TMEM120B: variants seen among roughly 807,000 people sequenced by gnomAD.
TMEM120B encodes the protein transmembrane protein 120B.
In TMEM120B, 31 loss-of-function variants were observed where a neutral mutation model predicts 55.5. The ratio of observed to expected loss-of-function variants is 0.56; its 90% CI spans 0.42 to 0.75. TMEM120B has a LOEUF of 0.75. TMEM120B is among the 30% of genes least tolerant of loss of function. The pLI is 0.00. For synonymous variants in TMEM120B, 203 were observed against 176.3 expected (o/e 1.15, Z -1.20); for missense variants, 399 against 425.5 (o/e 0.94, Z 0.55).
intron 1 of TMEM120B, among the ~76,000 whole-genome samples, chr12:121,715,943 CTG>C (rs925900458): frequency 2.6e-5 from 4 of 150,952 alleles, no homozygotes; most frequent in Middle Eastern, 3.4e-3. Flanking sequence ...CTCTGGGACT[CTG>C]TATATGGTAA....
rs993340509 is a variant in TMEM120B at position 121,776,839 on chromosome 12, G to A, written c.*1117G>A. The A allele has an allele frequency of 6.6e-6, 1 of 152,002 alleles. No homozygotes were observed. The highest frequency in any genetic ancestry group is 1.5e-5 in the Non-Finnish European group (1 of 68,028). The allele number at this position is 152,002 out of a possible 1,614,324, so 9.4% of individuals were successfully genotyped here. Reference sequence around the variant, plus strand: ...TGAGACAGGGTCTGTTGCCTAGGCGGGAGTGCAGTGGCATCATAGGTCACT... The same window carrying A: ...TGAGACAGGGTCTGTTGCCTAGGCGAGAGTGCAGTGGCATCATAGGTCACT... On this transcript the variant is annotated 3_prime_UTR_variant, in exon 12 of 12. Coordinates refer to ENST00000449592, the MANE Select transcript of TMEM120B (RefSeq NM_001080825.2).
chr12:121,734,864 G>T (rs1304774716), intron 1 of TMEM120B, among the ~76,000 whole-genome samples: 3 of 151,632 alleles, frequency 2.0e-5, no homozygotes, highest in African/African-American at 7.3e-5. Context: ...AGCGAGCTGA[G>T]ATAGTGCCAT....
intron 3 of TMEM120B, among the ~76,000 whole-genome samples, chr12:121,749,195 G>A (rs780756450): frequency 7.2e-5 from 11 of 152,122 alleles, no homozygotes; most frequent in East Asian, 1.9e-4. Context: ...CCATTCCTCC[G>A]AGCTTCTCCT....
In TMEM120B at chr12:121,779,113, G is replaced by A; in HGVS notation, c.*3391G>A. Reference sequence around the variant, plus strand: ...CCAGGGAGGCAGGGACACAGGAGTGGCAGGCTTGGGGCGCCCGCGTGGAAC... The same window carrying A: ...CCAGGGAGGCAGGGACACAGGAGTGACAGGCTTGGGGCGCCCGCGTGGAAC... On this transcript the variant is annotated 3_prime_UTR_variant, in exon 12 of 12. Coordinates refer to ENST00000449592, the MANE Select transcript of TMEM120B (RefSeq NM_001080825.2). The A allele has an allele frequency of 5.1e-6, 1 of 197,478 alleles. No individual in the cohort carries two copies. Among genetic ancestry groups the A allele is most frequent in the South Asian group, 9.9e-5 (1 of 10,132 alleles). 12.2% of individuals were successfully genotyped at this position (197,478 alleles called of 1,614,324 possible).
At chr12:121,723,037 G>A (rs7133877) in intron 1 of TMEM120B, among the ~76,000 whole-genome samples, 2,059 of 151,918 alleles carry the variant, frequency 0.014, 46 homozygotes, top group African/African-American at 0.047. Context: ...TAGTAGAGAC[G>A]GGGTTTCTCC....
At chr12:121,758,307 C>T (rs1444366893) in intron 5 of TMEM120B, 7 of 985,378 alleles carry the variant, frequency 7.1e-6, no homozygotes, top group South Asian at 4.7e-5. Flanking sequence ...CCCCACACAG[C>T]GGTCTGCCGG....
At chr12:121,772,438 C>A (rs796511997) in intron 8 of TMEM120B, among the ~76,000 whole-genome samples, 1 of 128,514 alleles carries the variant, frequency 7.8e-6, no homozygotes, top group Non-Finnish European at 1.6e-5. Context: ...CCGTTTCTTT[C>A]TTTTTTTTTT....
rs1342343415 is a variant in TMEM120B at position 121,752,173 on chromosome 12, C to T, written c.411C>T (p.Thr137=). 1.9e-6 allele frequency: 3 copies of T among 1,613,754 alleles called. No homozygotes were observed. Among genetic ancestry groups the T allele is most frequent in the Non-Finnish European group, 2.5e-6 (3 of 1,179,932 alleles). Reference sequence around the variant, plus strand: ...ATGAGAAGTTCAAGCTCTACCTGACCATCATCCTGCTCCTGGGTGCCGTGG... The same window carrying T: ...ATGAGAAGTTCAAGCTCTACCTGACTATCATCCTGCTCCTGGGTGCCGTGG... ...DEYEKFKLYL[T]IILLLGAVAC... The change falls in exon 5 of 12, where the codon ACC becomes ACT. Residue 137 remains threonine (T), a synonymous_variant. Transcript: ENST00000449592.
intron 1 of TMEM120B, among the ~76,000 whole-genome samples, chr12:121,735,719 C>T (rs1895096768): frequency 7.0e-6 from 1 of 142,530 alleles, no homozygotes; most frequent in African/African-American, 2.6e-5. Flanking sequence ...GAGACCAAGT[C>T]TCACTCTGTC....
chr12:121,733,170 G>C (rs905210105), intron 1 of TMEM120B, among the ~76,000 whole-genome samples: 6 of 152,108 alleles, frequency 3.9e-5, no homozygotes, highest in Non-Finnish European at 4.4e-5. Flanking sequence ...AGCAATAGGG[G>C]AAGGACTAAA....
At chr12:121,736,327 G>GTTT (rs200851425) in intron 1 of TMEM120B, among the ~76,000 whole-genome samples, 15 of 137,166 alleles carry the variant, frequency 1.1e-4, no homozygotes, top group African/African-American at 2.9e-4. Context: ...ATTGTTTGGT[G>GTTT]TTTTTTTTTT....
chr12:121,740,074 C>T (rs528803676), intron 1 of TMEM120B, among the ~76,000 whole-genome samples: 4 of 152,070 alleles, frequency 2.6e-5, no homozygotes, highest in Admixed American at 6.6e-5. Context: ...CCAACGCGCC[C>T]GGCGACTCCC....
chr12:121,746,696 G>T (rs374396058), intron 2 of TMEM120B, among the ~76,000 whole-genome samples: 21 of 152,038 alleles, frequency 1.4e-4, no homozygotes, highest in African/African-American at 4.3e-4. Flanking sequence ...GGCTCACGCC[G>T]GTAATCCCAA....
chr12:121,775,878 C>T lies in TMEM120B; in HGVS notation c.*156C>T. 8 of 756,272 alleles carry T rather than the reference C, an allele frequency of 1.1e-5. No homozygotes were observed. The highest frequency in any genetic ancestry group is 1.8e-5 in the Non-Finnish European group (8 of 446,526). The allele number at this position is 756,272 out of a possible 1,614,324, so 46.8% of individuals were successfully genotyped here. On this transcript the variant is annotated 3_prime_UTR_variant, in exon 12 of 12. Coordinates refer to ENST00000449592, the MANE Select transcript of TMEM120B (RefSeq NM_001080825.2). This position sits in a 1 kb window ranked among gnomAD's most constrained non-coding sequence, Gnocchi z 4.3. The stretch of plus-strand genomic sequence containing the variant: ...GTGGTCTAGAGGAATGTGAGCCCCG[C>T]CTGTCCGCACAGTGTCCGCCCACCT...
intron 1 of TMEM120B, among the ~76,000 whole-genome samples, chr12:121,736,316 A>G (rs1895111846): frequency 6.7e-6 from 1 of 148,190 alleles, no homozygotes; most frequent in Non-Finnish European, 1.5e-5. Context: ...ATGCCTGGCT[A>G]ATTGTTTGGT....
At chr12:121,733,876 A>G (rs1054160278) in intron 1 of TMEM120B, among the ~76,000 whole-genome samples, 1 of 151,760 alleles carries the variant, frequency 6.6e-6, no homozygotes, top group African/African-American at 2.4e-5. Context: ...AAGACATATT[A>G]TTGAGTGAGA....
chr12:121,714,646 C>A (rs1894664233), intron 1 of TMEM120B, among the ~76,000 whole-genome samples: 2 of 149,410 alleles, frequency 1.3e-5, no homozygotes, highest in South Asian at 4.3e-4. Context: ...ACTGCAACCT[C>A]CGCCTCCCGG....
At chr12:121,735,686 C>T (rs758889367) in intron 1 of TMEM120B, among the ~76,000 whole-genome samples, 3 of 148,728 alleles carry the variant, frequency 2.0e-5, no homozygotes, top group African/African-American at 2.5e-5. Flanking sequence ...CATGAGCCAC[C>T]GTGCCCGGCC....
intron 5 of TMEM120B, among the ~76,000 whole-genome samples, chr12:121,752,708 G>A (rs555283687): frequency 3.2e-4 from 48 of 152,044 alleles, no homozygotes; most frequent in African/African-American, 1.1e-3. Flanking sequence ...AGTTGAGATC[G>A]CTGCACTCCA....
Sources: allele counts gnomAD v4.1 joint callset (sites outside exome capture counted in the v4.1 genomes callset), GRCh38; gene constraint gnomAD v4.1.1; non-coding constraint Gnocchi (gnomAD v3.1); transcripts MANE v1.5; gene names NCBI Gene and HGNC (gene_info 2026-07-23, HGNC 2026-07-21).